TASP1: variants seen among roughly 807,000 people sequenced by gnomAD.
TASP1 encodes taspase 1, also known as threonine aspartase 1.
A neutral mutation model predicts 56.6 loss-of-function variants in TASP1; 16 were observed. That is an observed-to-expected ratio of 0.28 (90% confidence interval 0.19 to 0.43). TASP1 has a LOEUF of 0.43. Ranked by LOEUF, TASP1 falls within the 20% of genes least tolerant of loss-of-function variation. The pLI is 1.00. For missense variants in TASP1, 393 were observed against 511.6 expected (o/e 0.77, Z 2.24); for synonymous variants, 179 against 184.2 (o/e 0.97, Z 0.23).
chr20:13,180,556 A>G, the TASP1 span, among the ~76,000 whole-genome samples: 1 of 152,216 alleles, frequency 6.6e-6, no homozygotes, highest in South Asian at 2.1e-4. Flanking sequence ...TAGAGCAGCC[A>G]CTGAACATTT....
chr20:13,628,962 C>T (rs1417572062), intron 2 of TASP1, among the ~76,000 whole-genome samples: 2 of 152,186 alleles, frequency 1.3e-5, no homozygotes, highest in African/African-American at 2.4e-5. Flanking sequence ...TAGACTGAGA[C>T]ATAAGGGCCT....
the TASP1 span, among the ~76,000 whole-genome samples, chr20:13,121,180 T>A: frequency 6.6e-6 from 1 of 152,138 alleles, no homozygotes; most frequent in Non-Finnish European, 1.5e-5. Flanking sequence ...GAACACTGGC[T>A]CCCACAGCCT....
the TASP1 span, among the ~76,000 whole-genome samples, chr20:13,260,239 G>A: frequency 6.6e-6 from 1 of 152,230 alleles, no homozygotes; most frequent in African/African-American, 2.4e-5. Flanking sequence ...TTGTTTTACA[G>A]TGTCGGGGGG....
chr20:13,299,864 G>A, the TASP1 span: 1 of 162,822 alleles, frequency 6.1e-6, no homozygotes, highest in Middle Eastern at 3.2e-3. The surrounding 1 kb of genome is among the most constrained non-coding windows in gnomAD (Gnocchi z 5.8). Context: ...TAATACAAAT[G>A]TGACTTAATT....
At chr20:13,147,067 C>A in the TASP1 span, among the ~76,000 whole-genome samples, 1 of 152,154 alleles carries the variant, frequency 6.6e-6, no homozygotes, top group Non-Finnish European at 1.5e-5. Context: ...GAGGTGGAGG[C>A]AGGGTGTTTT....
chr20:13,558,104 G>A (rs1200927857), intron 8 of TASP1, among the ~76,000 whole-genome samples: 2 of 152,068 alleles, frequency 1.3e-5, no homozygotes, highest in Non-Finnish European at 2.9e-5. Flanking sequence ...TACAAAAGAT[G>A]ATGTATTGTG....
the TASP1 span, among the ~76,000 whole-genome samples, chr20:13,350,664 A>G: frequency 1.3e-5 from 2 of 152,070 alleles, no homozygotes; most frequent in Non-Finnish European, 2.9e-5. Context: ...AAACAAAAAG[A>G]CTAACCTTTA....
intron 2 of TASP1, among the ~76,000 whole-genome samples, chr20:13,626,607 A>T (rs1283631488): frequency 6.6e-6 from 1 of 152,202 alleles, no homozygotes; most frequent in Non-Finnish European, 1.5e-5. Context: ...CCAGGAAAGC[A>T]GAGATGCCCA....
the TASP1 span, among the ~76,000 whole-genome samples, chr20:13,316,188 C>A: frequency 6.6e-6 from 1 of 151,766 alleles, no homozygotes; most frequent in Non-Finnish European, 1.5e-5. Flanking sequence ...AAATTGATAA[C>A]CTAAATGAAA....
chr20:13,405,931 C>A (rs970622307), intron 13 of TASP1, among the ~76,000 whole-genome samples: 1 of 152,122 alleles, frequency 6.6e-6, no homozygotes, highest in Non-Finnish European at 1.5e-5. Context: ...GTCTGGTGGA[C>A]CCTGCTGCAT....
At chr20:13,632,907 A>G (rs988413373) in intron 1 of TASP1, among the ~76,000 whole-genome samples, 5 of 152,214 alleles carry the variant, frequency 3.3e-5, no homozygotes, top group Admixed American at 6.5e-5. Context: ...AACCAGACAA[A>G]AAATTCTAAA....
chr20:13,512,327 G>C (rs2044363174), intron 10 of TASP1, among the ~76,000 whole-genome samples: 1 of 151,888 alleles, frequency 6.6e-6, no homozygotes, highest in South Asian at 2.1e-4. Context: ...ATCTCATTGT[G>C]GTTTTGATTT....
At chr20:13,395,881 T>G (rs544142230) in intron 13 of TASP1, among the ~76,000 whole-genome samples, 13 of 151,900 alleles carry the variant, frequency 8.6e-5, no homozygotes, top group African/African-American at 3.1e-4. Context: ...TTTTTTTTTT[T>G]TAGTAGAGAT....
intron 10 of TASP1, among the ~76,000 whole-genome samples, chr20:13,519,901 G>C (rs2044675604): frequency 1.3e-5 from 2 of 152,184 alleles, no homozygotes; most frequent in African/African-American, 4.8e-5. Context: ...ATCTCCTTAA[G>C]CTGGTAGGCA....
intron 13 of TASP1, chr20:13,393,364 T>C: frequency 1.3e-6 from 1 of 743,070 alleles, no homozygotes; most frequent in Non-Finnish European, 2.5e-6. Context: ...CTCAATGGCA[T>C]GGCCTTCCAT....
chr20:13,610,353 T>C (rs1281587877), intron 4 of TASP1, among the ~76,000 whole-genome samples: 1 of 152,158 alleles, frequency 6.6e-6, no homozygotes, highest in Non-Finnish European at 1.5e-5. Context: ...AAGACTAATA[T>C]ATGGCAATAG....
At chr20:13,286,299 G>C in the TASP1 span, among the ~76,000 whole-genome samples, 1 of 151,984 alleles carries the variant, frequency 6.6e-6, no homozygotes, top group South Asian at 2.1e-4. Context: ...AGGTGACTGA[G>C]AGACACCAGA....
chr20:13,198,262 C>T, the TASP1 span, among the ~76,000 whole-genome samples: 1 of 151,918 alleles, frequency 6.6e-6, no homozygotes, highest in Non-Finnish European at 1.5e-5. Context: ...ATTTATTTTT[C>T]ACTGTTCTGG....
chr20:13,515,548 T>TAAA (rs34077486), intron 10 of TASP1, among the ~76,000 whole-genome samples: 1 of 122,974 alleles, frequency 8.1e-6, no homozygotes, highest in African/African-American at 3.1e-5. Context: ...TTCATACACT[T>TAAA]AAAAAAAAAA....
Sources: allele counts gnomAD v4.1 joint callset (sites outside exome capture counted in the v4.1 genomes callset), GRCh38; gene constraint gnomAD v4.1.1; non-coding constraint Gnocchi (gnomAD v3.1); transcripts MANE v1.5; gene names NCBI Gene and HGNC (gene_info 2026-07-23, HGNC 2026-07-21).